NFASC: variants seen among roughly 807,000 people sequenced by gnomAD.
NFASC encodes the protein neurofascin homolog.
In NFASC, 43 loss-of-function variants were observed where a neutral mutation model predicts 147.5. That is an observed-to-expected ratio of 0.29 (90% CI 0.23 to 0.38). NFASC has a LOEUF of 0.38. NFASC is among the 10% of genes least tolerant of loss of function. NFASC has a pLI of 1.00. For missense variants in NFASC, 1,320 were observed against 1,689.0 expected (o/e 0.78, Z 3.83); for synonymous variants, 622 against 665.5 (o/e 0.93, Z 1.01).
intron 1 of NFASC, among the ~76,000 whole-genome samples, chr1:204,884,187 G>A (rs761231791): frequency 1.3e-5 from 2 of 152,144 alleles, no homozygotes; most frequent in African/African-American, 2.4e-5. Context: ...TGAGGGGTGT[G>A]TGTGGAAGGA....
intron 29 of NFASC, 38 bp downstream of exon 29, chr1:205,012,904 C>G: frequency 1.4e-6 from 2 of 1,460,686 alleles, no homozygotes; most frequent in South Asian, 2.3e-5. Flanking sequence ...GGCAGGCTGT[C>G]CTCCCTGTCC....
chr1:204,956,425 C>G lies in NFASC; in HGVS notation c.536-1231C>G, dbSNP rs148334027. The stretch of plus-strand genomic sequence containing the variant: ...ATGTACTCTTAGCCTTTATCACACA[C>G]TCTTCCAGCTCCTTAGAAACCTCAG... On this transcript the variant is annotated intron_variant, in intron 7 of 29. Transcript: ENST00000339876. 1.8e-4 allele frequency among the ~76,000 whole-genome samples: 28 copies of G among 152,334 alleles called. 1 individual carries two copies. In the East Asian group the frequency reaches 4.8e-3, roughly 26 times the overall value.
In NFASC at chr1:204,881,855, C is replaced by T. The variant is rs968257222; in HGVS notation, c.-199-38777C>T. ...CTAAGTCAGTTTGACAAGAACCCCC[C>T]ACCTTGGATATCTGATCACCCTTGA... is the stretch of plus-strand genomic sequence containing the variant. On this transcript the variant is annotated intron_variant, in intron 1 of 29. Transcript: ENST00000339876. Among the ~76,000 whole-genome samples the T allele has an allele frequency of 2.6e-5, 4 of 152,248 alleles. No individual in the cohort carries two copies. The East Asian group carries it at 5.8e-4, about 22-fold the overall frequency.
At chr1:204,967,637 G>T (rs1177935351) in intron 8 of NFASC, among the ~76,000 whole-genome samples, 1 of 152,060 alleles carries the variant, frequency 6.6e-6, no homozygotes. Context: ...CATTAGTGAG[G>T]AGGCAGAATG....
At chr1:204,943,889 C>T (rs1348080809) in intron 2 of NFASC, among the ~76,000 whole-genome samples, 1 of 152,198 alleles carries the variant, frequency 6.6e-6, no homozygotes, top group Non-Finnish European at 1.5e-5. Flanking sequence ...CCTTCTCTAA[C>T]AGTGGTTTTC....
intron 2 of NFASC, among the ~76,000 whole-genome samples, chr1:204,936,870 T>A (rs1248196259): frequency 6.6e-6 from 1 of 152,254 alleles, no homozygotes; most frequent in East Asian, 1.9e-4. Flanking sequence ...CCCTGGACTC[T>A]CTCTCTGACT....
chr1:204,914,737 G>A (rs184184569), intron 1 of NFASC, among the ~76,000 whole-genome samples: 88 of 152,304 alleles, frequency 5.8e-4, no homozygotes, highest in African/African-American at 2.1e-3. Context: ...ATACATTGCT[G>A]GTGGTAGTAT....
chr1:204,952,934 A>G (rs976340740), intron 5 of NFASC, among the ~76,000 whole-genome samples: 8 of 152,200 alleles, frequency 5.3e-5, no homozygotes, highest in African/African-American at 1.9e-4. Flanking sequence ...GGTTCACACA[A>G]GACAGTCTCA....
intron 2 of NFASC, among the ~76,000 whole-genome samples, chr1:204,928,756 G>C (rs1249740247): frequency 6.6e-6 from 1 of 152,202 alleles, no homozygotes; most frequent in Non-Finnish European, 1.5e-5. Context: ...AACCCAGCTA[G>C]TTGTGGTGTG....
intron 23 of NFASC, 140 bp from the exon 24 acceptor site, chr1:204,991,152 T>C (rs1289781427): frequency 9.4e-6 from 9 of 956,780 alleles, no homozygotes; most frequent in Non-Finnish European, 1.1e-5. Flanking sequence ...AGCCAGCACC[T>C]GGCCACGCCG....
At chr1:204,866,732 A>C (rs1397932382) in intron 1 of NFASC, among the ~76,000 whole-genome samples, 1 of 152,232 alleles carries the variant, frequency 6.6e-6, no homozygotes, top group Non-Finnish European at 1.5e-5. Flanking sequence ...AGGACATAAT[A>C]TGAACTCCCT....
chr1:204,913,892 CAA>C (rs571860073), intron 1 of NFASC, among the ~76,000 whole-genome samples: 2 of 107,808 alleles, frequency 1.9e-5, no homozygotes. Flanking sequence ...GACCCTGTCT[CAA>C]AAAAAAAAAA....
rs150418703 is a variant in NFASC, at chr1:204,908,901, C to A, written c.-199-11731C>A. On this transcript the variant is annotated intron_variant, in intron 1 of 29. Transcript: ENST00000339876. ...TTCATCTAAGTTACTGCATATATCA[C>A]TAGTATAAATAGTCCATTCCTTCTT... Among the ~76,000 whole-genome samples, 484 of 152,264 alleles carry A rather than the reference C, an allele frequency of 3.2e-3. 11 individuals carry two copies. The highest frequency in any genetic ancestry group is 0.013 in the East Asian group (65 of 5,194).
In NFASC at chr1:204,968,190, C is replaced by A; in HGVS notation, c.707-59C>A. On this transcript the variant is annotated intron_variant, in intron 8 of 29. Transcript: ENST00000339876. The surrounding 1 kb of genome is among the most constrained non-coding windows in gnomAD (Gnocchi z 5.4). ...CTTCTCTCTAGCCTGACAGCGTTGGCCTAGTGGGGTCTGCCTTCTGGAAGG... is the reference window on the plus strand; with the variant it reads ...CTTCTCTCTAGCCTGACAGCGTTGGACTAGTGGGGTCTGCCTTCTGGAAGG... 1 of 1,251,526 alleles carries A rather than the reference C, an allele frequency of 8.0e-7. No individual in the cohort carries two copies. The highest frequency in any genetic ancestry group is 1.9e-4 in the Middle Eastern group (1 of 5,344). The allele number at this position is 1,251,526 out of a possible 1,614,324, so 77.5% of individuals were successfully genotyped here. A position where few individuals can be genotyped will look rare whatever the true frequency, so the allele number is the denominator to read the frequency against.
At chr1:205,006,307 G>GATCC (rs1196639731) in intron 27 of NFASC, among the ~76,000 whole-genome samples, 4 of 152,228 alleles carry the variant, frequency 2.6e-5, no homozygotes, top group African/African-American at 9.6e-5. Context: ...GGCTAAAAGA[G>GATCC]ATCCCCCGTT....
rs958908409 is a variant in NFASC, at chr1:204,980,452, TC to T, written c.2247+15del. Reference sequence around the variant, plus strand: ...AGATCACGTGGACGGTAAGAGGCCCTCCCAGCCCCAGTGGAGCAGCTCACCT... The same window carrying T: ...AGATCACGTGGACGGTAAGAGGCCCTCCAGCCCCAGTGGAGCAGCTCACCT... On this transcript the variant is annotated intron_variant, in intron 20 of 29. Transcript: ENST00000339876. The T allele has an allele frequency of 6.2e-6, 10 of 1,604,820 alleles. No homozygotes were observed. The African/African-American group carries it at 1.3e-4, about 22-fold the overall frequency.
chr1:205,019,744 A>G lies in NFASC; in HGVS notation c.*3205A>G, dbSNP rs2096387494. ...TGGTCACCAAGGCTGGGCGGGACAG[A>G]GCAGTCAAGAACCACGGTGTGGCTT... On this transcript the variant is annotated 3_prime_UTR_variant, in exon 30 of 30. Transcript: ENST00000339876. 6.6e-6 allele frequency: 1 copy of G among 152,254 alleles called. No homozygotes were observed. The highest frequency in any genetic ancestry group is 1.9e-4 in the East Asian group (1 of 5,196). 9.4% of individuals were successfully genotyped at this position (152,254 alleles called of 1,614,324 possible). A position where few individuals can be genotyped will look rare whatever the true frequency, so the allele number is the denominator to read the frequency against.
chr1:204,857,089 G>A (rs115147421), intron 1 of NFASC, among the ~76,000 whole-genome samples: 1,870 of 152,334 alleles, frequency 0.012, 32 homozygotes, highest in African/African-American at 0.042. Flanking sequence ...TGTTTAGCTT[G>A]TGGAGGAAAT....
At chr1:204,923,671 A>G (rs1344213711) in intron 2 of NFASC, among the ~76,000 whole-genome samples, 1 of 152,078 alleles carries the variant, frequency 6.6e-6, no homozygotes, top group Admixed American at 6.5e-5. Flanking sequence ...GAGCTTCATT[A>G]GGAACTGTCT....
Sources: gnomAD v4.1 joint callset for allele counts (sites outside exome capture counted in the v4.1 genomes callset) on GRCh38, gnomAD v4.1.1 for gene constraint, Gnocchi (gnomAD v3.1) non-coding constraint, MANE v1.5 for transcripts, NCBI Gene and HGNC (gene_info 2026-07-23, HGNC 2026-07-21) for gene names.